SLC8A1: variants seen among roughly 807,000 people sequenced by gnomAD.
The protein encoded by SLC8A1 is sodium/calcium exchanger 1.
SLC8A1 carries 18 observed loss-of-function variants against 68.3 expected under a neutral mutation model. The observed-to-expected ratio is 0.26, with a 90% CI of 0.18 to 0.39. The LOEUF (loss-of-function observed/expected upper bound fraction) is 0.39, where lower values mean the gene tolerates loss of function less well. SLC8A1 is among the 10% of genes least tolerant of loss of function. The probability of loss-of-function intolerance (pLI) is 1.00; values close to 1 mark genes in which losing one functional copy is unlikely to be tolerated. For synonymous variants in SLC8A1, 475 were observed against 415.5 expected (o/e 1.14, Z -1.74); for missense variants, 985 against 1,156.7 (o/e 0.85, Z 2.15).
At chr2:40,405,288 A>T (rs1193745684) in intron 2 of SLC8A1, among the ~76,000 whole-genome samples, 1 of 152,228 alleles carries the variant, frequency 6.6e-6, no homozygotes, top group Non-Finnish European at 1.5e-5. Flanking sequence ...AGAAGGAGAC[A>T]TACACCTACA....
chr2:40,482,341 G>T (rs1180274542), intron 1 of SLC8A1, among the ~76,000 whole-genome samples: 1 of 152,094 alleles, frequency 6.6e-6, no homozygotes, highest in Non-Finnish European at 1.5e-5. Flanking sequence ...TTTGGGTTTT[G>T]TAAGGGTTGA....
chr2:40,379,645 T>C (rs763908824), intron 2 of SLC8A1, among the ~76,000 whole-genome samples: 1 of 120,620 alleles, frequency 8.3e-6, no homozygotes, highest in Non-Finnish European at 1.8e-5. Context: ...TGATTTTGCC[T>C]TTTTTTTTTT....
chr2:40,391,768 G>C (rs1190312357), intron 2 of SLC8A1, among the ~76,000 whole-genome samples: 1 of 152,006 alleles, frequency 6.6e-6, no homozygotes, highest in Non-Finnish European at 1.5e-5. Context: ...TCACGTGTCA[G>C]ATGACAAAAT....
intron 2 of SLC8A1, among the ~76,000 whole-genome samples, chr2:40,341,772 T>C (rs994280397): frequency 1.4e-4 from 21 of 152,160 alleles, no homozygotes; most frequent in Non-Finnish European, 1.8e-4. Flanking sequence ...GTTACACTGG[T>C]TTTTTGCTGG....
chr2:40,205,511 G>C (rs1464400838), intron 2 of SLC8A1, among the ~76,000 whole-genome samples: 1 of 151,926 alleles, frequency 6.6e-6, no homozygotes, highest in African/African-American at 2.4e-5. Context: ...CATGGATGGA[G>C]CTGGAGGCCA....
intron 2 of SLC8A1, among the ~76,000 whole-genome samples, chr2:40,322,045 C>A (rs2149343369): frequency 6.6e-6 from 1 of 152,210 alleles, no homozygotes; most frequent in Non-Finnish European, 1.5e-5. Flanking sequence ...ATTGACATAG[C>A]AATTATTCAC....
chr2:40,159,751 CA>C (rs2045326167), intron 6 of SLC8A1, among the ~76,000 whole-genome samples: 1 of 152,046 alleles, frequency 6.6e-6, no homozygotes, highest in South Asian at 2.1e-4. Flanking sequence ...TATTCAATTG[CA>C]AAAAACCAAA....
chr2:40,484,292 T>C (rs1704813564), intron 1 of SLC8A1, among the ~76,000 whole-genome samples: 1 of 152,132 alleles, frequency 6.6e-6, no homozygotes, highest in Non-Finnish European at 1.5e-5. Flanking sequence ...GCAGTGATGA[T>C]AGTGCCATTT....
chr2:40,408,059 T>C (rs932017967), intron 2 of SLC8A1, among the ~76,000 whole-genome samples: 1 of 152,208 alleles, frequency 6.6e-6, no homozygotes, highest in Non-Finnish European at 1.5e-5. Flanking sequence ...AACAAGTTAA[T>C]AATCTTCCAG....
intron 1 of SLC8A1, among the ~76,000 whole-genome samples, chr2:40,436,913 C>A (rs1266916580): frequency 6.6e-6 from 1 of 152,104 alleles, no homozygotes; most frequent in Non-Finnish European, 1.5e-5. Context: ...GCCAGAACCA[C>A]AGAGCAGGGT....
intron 1 of SLC8A1, 80 bp from the exon 2 acceptor site, chr2:40,430,384 A>C (rs1032781267): frequency 1.4e-6 from 2 of 1,381,344 alleles, no homozygotes; most frequent in African/African-American, 2.9e-5. Context: ...CTAATTACTT[A>C]TTTTTATTAC....
intron 2 of SLC8A1, among the ~76,000 whole-genome samples, chr2:40,340,286 T>C (rs4952408): frequency 0.29 from 43,979 of 152,134 alleles, 7,891 homozygotes; most frequent in South Asian, 0.45. Context: ...CAAGGCCAGG[T>C]GCGGTGGCTC....
chr2:40,112,882 T>A (rs533747129), exon 8 of SLC8A1: 83 of 152,468 alleles, frequency 5.4e-4, no homozygotes, highest in African/African-American at 1.9e-3. Flanking sequence ...TCCAAACATA[T>A]GCCTTATGCT....
At chr2:40,475,624 A>G (rs2149907242) in intron 1 of SLC8A1, among the ~76,000 whole-genome samples, 1 of 152,200 alleles carries the variant, frequency 6.6e-6, no homozygotes, top group Non-Finnish European at 1.5e-5. Flanking sequence ...ACATATACAT[A>G]CATGTACACA....
At chr2:40,277,777 AATATATATATATGTGTGTATATATATAT>A (rs1293307499) in intron 2 of SLC8A1, among the ~76,000 whole-genome samples, 1 of 114,460 alleles carries the variant, frequency 8.7e-6, no homozygotes, top group Non-Finnish European at 1.8e-5. Flanking sequence ...CATATGTATA[AATATATATATATGTGTGTATATATATAT>A]ATATATATAT....
At chr2:40,110,360 G>A (rs973589610) in exon 8 of SLC8A1, 1 of 152,196 alleles carries the variant, frequency 6.6e-6, no homozygotes, top group Non-Finnish European at 1.5e-5. Context: ...AAGACAACAA[G>A]ATGGTTAGAA....
At chr2:40,442,096 G>A (rs1040784990) in intron 1 of SLC8A1, among the ~76,000 whole-genome samples, 8 of 149,730 alleles carry the variant, frequency 5.3e-5, no homozygotes, top group African/African-American at 2.0e-4. Context: ...TATACCTAAT[G>A]CTAAATGACG....
intron 1 of SLC8A1, among the ~76,000 whole-genome samples, chr2:40,460,150 G>C (rs1703256893): frequency 6.6e-6 from 1 of 152,120 alleles, no homozygotes. Flanking sequence ...TATCAGATTT[G>C]AAGCCTAAAA....
intron 2 of SLC8A1, among the ~76,000 whole-genome samples, chr2:40,277,260 G>T (rs904252176): frequency 4.0e-5 from 6 of 151,458 alleles, no homozygotes; most frequent in African/African-American, 1.5e-4. Context: ...CAGAGATAGT[G>T]CTGGGCACGG....
Sources: gnomAD v4.1 joint callset for allele counts (sites outside exome capture counted in the v4.1 genomes callset) on GRCh38, gnomAD v4.1.1 for gene constraint, MANE v1.5 for transcripts, NCBI Gene and HGNC (gene_info 2026-07-23, HGNC 2026-07-21) for gene names.